The following NEUROG3 variants were observed in gnomAD, a reference collection of about 807,000 sequenced individuals.
NEUROG3 encodes the protein neurogenin-3.
For missense variants in NEUROG3, 307 were observed against 297.9 expected (o/e 1.03, Z -0.22); for synonymous variants, 161 against 139.2 (o/e 1.16, Z -1.10).
At position 69,571,903 on chromosome 10, in the gene NEUROG3, G is replaced by C. The variant is rs953823132; in HGVS notation, c.*496C>G. ...GCAGAGTGAGGCGCCCTGAAATCCC[G>C]GACCTGATTGGGAGTAGAGCAGATC... On this transcript the variant is annotated 3_prime_UTR_variant, in exon 2 of 2. Transcript: ENST00000242462. 6.4e-6 allele frequency: 1 copy of C among 155,758 alleles called. No homozygotes were observed. The highest frequency in any genetic ancestry group is 1.4e-5 in the Non-Finnish European group (1 of 70,276). The allele number at this position is 155,758 out of a possible 1,614,324, so 9.6% of individuals were successfully genotyped here.
chr10:69,573,015 G>A lies in NEUROG3; in HGVS notation c.29C>T (p.Thr10Ile), dbSNP rs1308182899. ...CTCCGTCTCACGGGTCACTTGGACA[G>A]TGGGCGCACCCGAGGGTTGAGGCGT... MTPQPSGAP[T>I]VQVTRETERS... The change falls in exon 2 of 2, where the codon ACT becomes ATT. Residue 10 changes from threonine to isoleucine, a missense_variant. Transcript: ENST00000242462. 6.2e-6 allele frequency: 10 copies of A among 1,613,634 alleles called. No homozygotes were observed. In the South Asian group the frequency reaches 1.1e-4, roughly 18 times the overall value.
At position 69,572,440 on chromosome 10, in the gene NEUROG3, A is replaced by G; in HGVS notation, c.604T>C (p.Cys202Arg). 1 of 1,589,526 alleles carries G rather than the reference A, an allele frequency of 6.3e-7. No homozygotes were observed. The highest frequency in any genetic ancestry group is 1.3e-5 in the African/African-American group (1 of 74,454). The part of the protein sequence containing the change: ...PGLLGATFSA[C>R]LSPGSLAFSD... The stretch of plus-strand genomic sequence containing the variant: ...AAAGCCAGACTGCCTGGGCTCAAGC[A>G]GGCGGAAAAGGTGGCCCCCAGCAGC... The change falls in exon 2 of 2, where the codon TGC (cysteine) becomes CGC (arginine). Residue 202 changes from cysteine to arginine, a missense_variant. Cys to Arg is a radical substitution (Grantham distance 180). Transcript: ENST00000242462.
Position 69,572,067 on chromosome 10 carries a change from CG to C in NEUROG3, c.*331del, listed in dbSNP as rs1839215901. ...GGGTAGGGCGACCCAAGACGGTGGGCGGCTCCGGCCGGGTAGTGCTACCATT... is the reference window on the plus strand; with the variant it reads ...GGGTAGGGCGACCCAAGACGGTGGGCGCTCCGGCCGGGTAGTGCTACCATT... On this transcript the variant is annotated 3_prime_UTR_variant, in exon 2 of 2. Transcript: ENST00000242462. The C allele has an allele frequency of 2.6e-6, 1 of 386,568 alleles. No individual in the cohort carries two copies. The highest frequency in any genetic ancestry group is 4.7e-6 in the Non-Finnish European group (1 of 211,098). The allele number at this position is 386,568 out of a possible 1,614,324, so 23.9% of individuals were successfully genotyped here.
Position 69,572,247 on chromosome 10 carries a change from G to C in NEUROG3, c.*152C>G. 1 of 876,606 alleles carries C rather than the reference G, an allele frequency of 1.1e-6. No individual in the cohort carries two copies. Among genetic ancestry groups the C allele is most frequent in the Non-Finnish European group, 1.7e-6 (1 of 582,664 alleles). The allele number at this position is 876,606 out of a possible 1,614,324, so 54.3% of individuals were successfully genotyped here. On this transcript the variant is annotated 3_prime_UTR_variant, in exon 2 of 2. Transcript: ENST00000242462. ...GGAATGAACCCAGCCTGCCGCCCCC[G>C]TGGAGGCCTGGGCCGGCCAGGGGTC...
In NEUROG3 at chr10:69,572,146, T is replaced by A. The variant is rs1026181126; in HGVS notation, c.*253A>T. The A allele has an allele frequency of 1.7e-6, 1 of 581,704 alleles. No individual in the cohort carries two copies. Among genetic ancestry groups the A allele is most frequent in the African/African-American group, 1.9e-5 (1 of 53,494 alleles). The allele number at this position is 581,704 out of a possible 1,614,324, so 36.0% of individuals were successfully genotyped here. On this transcript the variant is annotated 3_prime_UTR_variant, in exon 2 of 2. Coordinates refer to ENST00000242462, the MANE Select transcript of NEUROG3 (RefSeq NM_020999.4). The stretch of plus-strand genomic sequence containing the variant: ...GTGGTGGCAGAGAGGAGGCCTAAAA[T>A]GAGCGCACTTTGCAATGCCCACTTC...
Position 69,571,830 on chromosome 10 carries a change from C to T in NEUROG3, c.*569G>A, listed in dbSNP as rs1398869048. The T allele has an allele frequency of 6.6e-6, 1 of 152,202 alleles. No homozygotes were observed. Among genetic ancestry groups the T allele is most frequent in the Non-Finnish European group, 1.5e-5 (1 of 68,166 alleles). The allele number at this position is 152,202 out of a possible 1,614,324, so 9.4% of individuals were successfully genotyped here. A position where few individuals can be genotyped will look rare whatever the true frequency, so the allele number is the denominator to read the frequency against. On this transcript the variant is annotated 3_prime_UTR_variant, in exon 2 of 2. Coordinates refer to ENST00000242462, the MANE Select transcript of NEUROG3 (RefSeq NM_020999.4). Reference sequence around the variant, plus strand: ...TTCCGCCCCGGGAGGGCAATGGCTCCGAAAAGTGCACGAGGAGAAGGCAGA... The same window carrying T: ...TTCCGCCCCGGGAGGGCAATGGCTCTGAAAAGTGCACGAGGAGAAGGCAGA...
In NEUROG3 at chr10:69,573,355, T is replaced by C; in HGVS notation, c.-147A>G. On this transcript the variant is annotated 5_prime_UTR_variant, in exon 1 of 2. Coordinates refer to ENST00000242462, the MANE Select transcript of NEUROG3 (RefSeq NM_020999.4). ...CCCCAAAGGAGAAAAGAAGAGAGAA[T>C]GGGGTCCGAGGCCTCTGTCACGCTC... The C allele has an allele frequency of 2.1e-6, 1 of 479,048 alleles. No individual in the cohort carries two copies. The highest frequency in any genetic ancestry group is 3.7e-6 in the Non-Finnish European group (1 of 269,870). The allele number at this position is 479,048 out of a possible 1,614,324, so 29.7% of individuals were successfully genotyped here. A position where few individuals can be genotyped will look rare whatever the true frequency, so the allele number is the denominator to read the frequency against.
chr10:69,572,327 C>A lies in NEUROG3; in HGVS notation c.*72G>T, dbSNP rs1235818868. 6 of 1,517,328 alleles carry A rather than the reference C, an allele frequency of 4.0e-6. No individual in the cohort carries two copies. The Admixed American group carries it at 1.2e-4, about 29-fold the overall frequency. The allele number at this position is 1,517,328 out of a possible 1,614,324, so 94.0% of individuals were successfully genotyped here. A position where few individuals can be genotyped will look rare whatever the true frequency, so the allele number is the denominator to read the frequency against. On this transcript the variant is annotated 3_prime_UTR_variant, in exon 2 of 2. Coordinates refer to ENST00000242462, the MANE Select transcript of NEUROG3 (RefSeq NM_020999.4). ...TTTTGAGGGCCGCCGCCGTCGGCCA[C>A]CCTCTACGGCTCCCGGCTCCCTCCC...
rs1179536339 is a variant in NEUROG3 at position 69,571,868 on chromosome 10, T to C, written c.*531A>G. On this transcript the variant is annotated 3_prime_UTR_variant, in exon 2 of 2. Coordinates refer to ENST00000242462, the MANE Select transcript of NEUROG3 (RefSeq NM_020999.4). Reference sequence around the variant, plus strand: ...AGGAGAAGGCAGAGGGTCGCCTTCGTGGCTTTAAGGCAGAGTGAGGCGCCC... The same window carrying C: ...AGGAGAAGGCAGAGGGTCGCCTTCGCGGCTTTAAGGCAGAGTGAGGCGCCC... 1 of 153,008 alleles carries C rather than the reference T, an allele frequency of 6.5e-6. No homozygotes were observed. Among genetic ancestry groups the C allele is most frequent in the Non-Finnish European group, 1.5e-5 (1 of 68,646 alleles). 9.5% of individuals were successfully genotyped at this position (153,008 alleles called of 1,614,324 possible).
chr10:69,572,949 G>A lies in NEUROG3; in HGVS notation c.95C>T (p.Pro32Leu), dbSNP rs1839237363. ...AGTGGGGCTGGGCGGGGCGGACGTG[G>A]GGCAGGTCACTTCGTCTTCCGAGGC... ...PRASEDEVTC[P>L]TSAPPSPTRT... Residue 32 changes from proline to leucine, a missense_variant, in exon 2 of 2, where the codon CCC becomes CTC. Pro to Leu is a moderately conservative substitution (Grantham distance 98). Coordinates refer to ENST00000242462, the MANE Select transcript of NEUROG3 (RefSeq NM_020999.4). 1 of 1,613,214 alleles carries A rather than the reference G, an allele frequency of 6.2e-7. No homozygotes were observed. The highest frequency in any genetic ancestry group is 8.5e-7 in the Non-Finnish European group (1 of 1,179,990).
In NEUROG3 at chr10:69,572,823, T is replaced by C; in HGVS notation, c.221A>G (p.Glu74Gly). ...CCGTCGCTGCTTGCTCAGTGCCAAC[T>C]CGCTCTTAGGCCGGCTGCGTCCCCC... ...RRGGRSRPKS[E>G]LALSKQRRSR... The change falls in exon 2 of 2, where the codon GAG becomes GGG. Residue 74 changes from glutamate to glycine, a missense_variant. Coordinates refer to ENST00000242462, the MANE Select transcript of NEUROG3 (RefSeq NM_020999.4). 1 of 1,612,136 alleles carries C rather than the reference T, an allele frequency of 6.2e-7. No individual in the cohort carries two copies. The highest frequency in any genetic ancestry group is 8.5e-7 in the Non-Finnish European group (1 of 1,179,292).
intron 1 of NEUROG3, 79 bp downstream of exon 1, chr10:69,573,131 A>C: frequency 6.9e-7 from 1 of 1,459,850 alleles, no homozygotes. Flanking sequence ...AAAAACAAAA[A>C]CAGCCATCCT....
chr10:69,572,937 G>T lies in NEUROG3; in HGVS notation c.107C>A (p.Pro36Gln). The stretch of plus-strand genomic sequence containing the variant: ...CCCCCGTGTGCGAGTGGGGCTGGGC[G>T]GGGCGGACGTGGGGCAGGTCACTTC... ...EDEVTCPTSA[P>Q]PSPTRTRGNC... is the part of the protein sequence containing the mutation. Residue 36 changes from proline to glutamine, a missense_variant, in exon 2 of 2, where the codon CCG becomes CAG. Pro to Gln is a moderately conservative substitution (Grantham distance 76). Transcript: ENST00000242462. 2.5e-6 allele frequency: 4 copies of T among 1,612,860 alleles called. No individual in the cohort carries two copies. The highest frequency in any genetic ancestry group is 3.4e-6 in the Non-Finnish European group (4 of 1,179,960).
chr10:69,572,825 G>T lies in NEUROG3; in HGVS notation c.219C>A (p.Ser73Arg). ...GTCGCTGCTTGCTCAGTGCCAACTC[G>T]CTCTTAGGCCGGCTGCGTCCCCCGC... ...ARRGGRSRPK[S>R]ELALSKQRRS... The change falls in exon 2 of 2, where the codon AGC becomes AGA. Residue 73 changes from serine to arginine, a missense_variant. Transcript: ENST00000242462. 6.2e-7 allele frequency: 1 copy of T among 1,612,006 alleles called. No individual in the cohort carries two copies. The highest frequency in any genetic ancestry group is 8.5e-7 in the Non-Finnish European group (1 of 1,179,220).
In NEUROG3 at chr10:69,571,894, T is replaced by C. The variant is rs1457140451; in HGVS notation, c.*505A>G. The C allele has an allele frequency of 1.9e-5, 3 of 154,818 alleles. No individual in the cohort carries two copies. Among genetic ancestry groups the C allele is most frequent in the African/African-American group, 7.2e-5 (3 of 41,478 alleles). 9.6% of individuals were successfully genotyped at this position (154,818 alleles called of 1,614,324 possible). On this transcript the variant is annotated 3_prime_UTR_variant, in exon 2 of 2. Coordinates refer to ENST00000242462, the MANE Select transcript of NEUROG3 (RefSeq NM_020999.4). ...GGCTTTAAGGCAGAGTGAGGCGCCCTGAAATCCCGGACCTGATTGGGAGTA... is the reference window on the plus strand; with the variant it reads ...GGCTTTAAGGCAGAGTGAGGCGCCCCGAAATCCCGGACCTGATTGGGAGTA...
chr10:69,572,630 C>A lies in NEUROG3; in HGVS notation c.414G>T (p.Thr138=). Residue 138 remains threonine, a synonymous_variant, in exon 2 of 2, where the codon ACG becomes ACT. Coordinates refer to ENST00000242462, the MANE Select transcript of NEUROG3 (RefSeq NM_020999.4). ...ACAAGCTGTGGTCCGCTATGCGCAG[C>A]GTTTGAGTCAGCGCCCAGATGTAGT... ...AHNYIWALTQ[T]LRIADHSLYA... 1 of 1,614,094 alleles carries A rather than the reference C, an allele frequency of 6.2e-7. No homozygotes were observed. The highest frequency in any genetic ancestry group is 8.5e-7 in the Non-Finnish European group (1 of 1,179,942).
chr10:69,572,546 G>A lies in NEUROG3; in HGVS notation c.498C>T (p.Pro166=), dbSNP rs768500044. The A allele has an allele frequency of 5.6e-6, 9 of 1,608,200 alleles. No homozygotes were observed. Among genetic ancestry groups the A allele is most frequent in the Non-Finnish European group, 7.6e-6 (9 of 1,177,258 alleles). ...CGELGSPGGS[P]GDWGSLYSPV... ...GGGAGTAGAGGGACCCCCAGTCCCC[G>A]GGGGAACCGCCTGGGCTGCCCAGCT... The change falls in exon 2 of 2, where the codon CCC becomes CCT. Residue 166 remains proline (P), a synonymous_variant. Coordinates refer to ENST00000242462, the MANE Select transcript of NEUROG3 (RefSeq NM_020999.4).
chr10:69,571,539 A>G (rs1411798069), downstream of NEUROG3, among the ~76,000 whole-genome samples: 2 of 152,162 alleles, frequency 1.3e-5, no homozygotes, highest in African/African-American at 2.4e-5. Flanking sequence ...ATCCCTAAAT[A>G]ATCTAATATA....
intron 1 of NEUROG3, 66 bp downstream of exon 1, chr10:69,573,144 C>T (rs1270050000): frequency 1.5e-6 from 2 of 1,364,202 alleles, no homozygotes; most frequent in Non-Finnish European, 2.0e-6. Flanking sequence ...GCCATCCTCC[C>T]AGCCCCCGCT....
Sources: gnomAD v4.1 joint callset for allele counts (sites outside exome capture counted in the v4.1 genomes callset) on GRCh38, gnomAD v4.1.1 for gene constraint, MANE v1.5 for transcripts, NCBI Gene and HGNC (gene_info 2026-07-23, HGNC 2026-07-21) for gene names.